Variants in FAM50B observed in about 807,000 individuals in gnomAD.
The protein encoded by FAM50B is protein FAM50B.
Under a neutral mutation model 25.4 loss-of-function variants are expected in FAM50B, and 9 were observed. The ratio of observed to expected loss-of-function variants is 0.35; its 90% CI spans 0.21 to 0.62. The LOEUF (loss-of-function observed/expected upper bound fraction) is 0.62. Ranked by LOEUF, FAM50B falls within the 20% of genes least tolerant of loss-of-function variation. The pLI, the probability that FAM50B is intolerant of heterozygous loss-of-function variation, is 0.73. For synonymous variants in FAM50B, 212 were observed against 204.3 expected, an observed-to-expected ratio of 1.04 and a Z score of -0.32; for missense variants, 372 against 477.9, an observed-to-expected ratio of 0.78 and a Z score of 2.07.
chr6:3,836,295 T>C, the FAM50B span, among the ~76,000 whole-genome samples: 2 of 152,192 alleles, frequency 1.3e-5, no homozygotes, highest in Admixed American at 6.5e-5. Context: ...TGCAAAACAC[T>C]CAGTTTACTG....
chr6:3,837,188 T>G, the FAM50B span, among the ~76,000 whole-genome samples: 1 of 152,146 alleles, frequency 6.6e-6, no homozygotes, highest in Non-Finnish European at 1.5e-5. Context: ...AATTCCTACA[T>G]AAGATATCAA....
chr6:3,850,681 C>T lies in FAM50B; in HGVS notation c.870C>T (p.Gly290=), dbSNP rs1762205345. Residue 290 remains glycine (G), a synonymous_variant, in exon 2 of 2, where the codon GGC becomes GGT. Coordinates refer to ENST00000648326, the MANE Select transcript of FAM50B (RefSeq NM_012135.3). ...ATMEKDESHA[G]KVVLRSWYEK... ...TGGAGAAGGACGAGTCGCACGCGGG[C>T]AAGGTGGTGCTGCGCAGCTGGTACG... The T allele has an allele frequency of 1.2e-6, 2 of 1,614,104 alleles. No individual in the cohort carries two copies. Among genetic ancestry groups the T allele is most frequent in the African/African-American group, 1.3e-5 (1 of 75,066 alleles).
At chr6:3,833,418 C>G in the FAM50B span, among the ~76,000 whole-genome samples, 59,335 of 151,940 alleles carry the variant, frequency 0.39, 11,731 homozygotes, top group East Asian at 0.43. Flanking sequence ...CTTGTATCAA[C>G]CAGGACCGTG....
At chr6:3,846,154 G>A (rs1762119260), upstream of FAM50B, among the ~76,000 whole-genome samples, 10 of 152,144 alleles carry the variant, frequency 6.6e-5, no homozygotes, top group Admixed American at 6.6e-4. Flanking sequence ...AGTTTTTCAA[G>A]TAGGAGAGTA....
rs767643533 is a variant in FAM50B, at chr6:3,850,669, G to C, written c.858G>C (p.Glu286Asp). The C allele has an allele frequency of 1.9e-5, 30 of 1,614,040 alleles. No homozygotes were observed. In the East Asian group the frequency reaches 6.5e-4, roughly 35 times the overall value. Residue 286 changes from glutamate (E) to aspartate (D), a missense_variant, in exon 2 of 2, where the codon GAG (glutamate) becomes GAC (aspartate). By Grantham distance (45) the Glu-to-Asp change is conservative. This residue lies in a region of FAM50B where 57 missense variants were observed against 65.8 expected (regional missense o/e 0.87). Transcript: ENST00000648326. ...LLSDATMEKD[E>D]SHAGKVVLRS... Reference sequence around the variant, plus strand: ...GCGACGCCACCATGGAGAAGGACGAGTCGCACGCGGGCAAGGTGGTGCTGC... The same window carrying C: ...GCGACGCCACCATGGAGAAGGACGACTCGCACGCGGGCAAGGTGGTGCTGC...
chr6:3,833,233 T>G, the FAM50B span, among the ~76,000 whole-genome samples: 4 of 152,244 alleles, frequency 2.6e-5, no homozygotes, highest in Non-Finnish European at 5.9e-5. Context: ...TTCAAGCCTG[T>G]GGGGTGGTAA....
the FAM50B span, among the ~76,000 whole-genome samples, chr6:3,841,123 C>T: frequency 6.6e-6 from 1 of 152,154 alleles, no homozygotes; most frequent in South Asian, 2.1e-4. Flanking sequence ...GCCGTAGGTC[C>T]GACCTGTTAG....
intron 1 of FAM50B, 81 bp downstream of exon 1, chr6:3,849,567 C>A (rs1045487526): frequency 1.7e-6 from 1 of 598,124 alleles, no homozygotes; most frequent in Non-Finnish European, 2.7e-6. Context: ...GGCAGCCACC[C>A]GTTACGTGGG....
the FAM50B span, among the ~76,000 whole-genome samples, chr6:3,838,457 C>G: frequency 1.3e-5 from 2 of 152,054 alleles, no homozygotes; most frequent in African/African-American, 4.8e-5. Flanking sequence ...CTCCTGTAAT[C>G]CCAGCACTTT....
At chr6:3,843,120 CTCT>C in the FAM50B span, among the ~76,000 whole-genome samples, 1 of 152,230 alleles carries the variant, frequency 6.6e-6, no homozygotes, top group East Asian at 1.9e-4. Flanking sequence ...CCATAATACA[CTCT>C]TCTTCAAATG....
chr6:3,838,036 T>C, the FAM50B span, among the ~76,000 whole-genome samples: 205 of 152,364 alleles, frequency 1.3e-3, no homozygotes, highest in Admixed American at 2.3e-3. Flanking sequence ...AACTCTCATA[T>C]ATTTCTGAGA....
At chr6:3,846,932 C>T (rs1318816624), upstream of FAM50B, among the ~76,000 whole-genome samples, 1 of 152,196 alleles carries the variant, frequency 6.6e-6, no homozygotes, top group Non-Finnish European at 1.5e-5. Flanking sequence ...TCTTAGGTGA[C>T]CAAGTGCATT....
At chr6:3,846,379 A>G (rs1762123107), upstream of FAM50B, among the ~76,000 whole-genome samples, 1 of 152,212 alleles carries the variant, frequency 6.6e-6, no homozygotes, top group Non-Finnish European at 1.5e-5. Flanking sequence ...TTTGTCTAAG[A>G]AAATAATGTG....
the FAM50B span, chr6:3,831,968 G>A: frequency 1.6e-4 from 24 of 152,140 alleles, no homozygotes; most frequent in Non-Finnish European, 2.9e-4. Flanking sequence ...AACAATATTA[G>A]CAAAGGCACT....
Position 3,850,155 on chromosome 6 carries a change from G to GT in FAM50B, c.345dup (p.Lys116Ter), listed in dbSNP as rs1267978621. 1 of 1,612,892 alleles carries GT rather than the reference G, an allele frequency of 6.2e-7. No individual in the cohort carries two copies. The highest frequency in any genetic ancestry group is 1.1e-5 in the South Asian group (1 of 91,048). ...CAGGAGCAGCGGCGCGAGCGCAAGC[G>GT]TAAGATCTCCTGCCTGTCCTTTGCA... On this transcript the variant is annotated frameshift_variant, in exon 2 of 2. Transcript: ENST00000648326. LOFTEE classifies it high-confidence loss of function.
chr6:3,835,466 GC>G, the FAM50B span, among the ~76,000 whole-genome samples: 4 of 152,236 alleles, frequency 2.6e-5, no homozygotes, highest in Admixed American at 2.6e-4. Flanking sequence ...ACATCAGCCA[GC>G]CCCATTATGA....
chr6:3,847,636 T>A (rs1270397125), upstream of FAM50B, among the ~76,000 whole-genome samples: 1 of 152,262 alleles, frequency 6.6e-6, no homozygotes, highest in African/African-American at 2.4e-5. Flanking sequence ...ATCATTCATA[T>A]GTTTACCAGG....
upstream of FAM50B, among the ~76,000 whole-genome samples, chr6:3,845,914 G>T (rs558903854): frequency 2.0e-5 from 3 of 151,982 alleles, no homozygotes; most frequent in Non-Finnish European, 4.4e-5. Context: ...TTAGAGACGG[G>T]GTTTCACCAT....
rs1396450402 is a variant in FAM50B at position 3,850,109 on chromosome 6, C to T, written c.298C>T (p.Gln100Ter). The T allele has an allele frequency of 1.9e-6, 3 of 1,609,424 alleles. No individual in the cohort carries two copies. The African/African-American group carries it at 4.0e-5, about 22-fold the overall frequency. ...CCAGCACCTGGAGGAGCAGCGGCTG[C>T]AGCAGGAGCGGCAGCGGGAGCAGGA... ...KRQHLEEQRLQQERQREQEQR... is the reference protein window; with the variant it reads ...KRQHLEEQRL The change falls in exon 2 of 2, where the codon CAG becomes TAG. Residue 100 changes from glutamine to a stop codon, truncating the protein, a stop_gained. Coordinates refer to ENST00000648326, the MANE Select transcript of FAM50B (RefSeq NM_012135.3). LOFTEE classifies it high-confidence loss of function.
Sources: gnomAD v4.1 joint callset for allele counts (sites outside exome capture counted in the v4.1 genomes callset) on GRCh38, gnomAD v4.1.1 for gene constraint, gnomAD v4.1.1 regional missense constraint, MANE v1.5 for transcripts, NCBI Gene and HGNC (gene_info 2026-07-23, HGNC 2026-07-21) for gene names.